Variants in RBFOX3 observed in about 807,000 individuals in gnomAD.
RBFOX3 encodes RNA binding protein fox-1 homolog 3.
RBFOX3 carries 17 observed loss-of-function variants against 48.7 expected under a neutral mutation model. The ratio of observed to expected loss-of-function variants is 0.35; its 90% confidence interval spans 0.24 to 0.52. The LOEUF is 0.52. Among genes scored for constraint, RBFOX3 ranks in the 20% least tolerant of loss-of-function variants. The pLI, the probability that RBFOX3 is intolerant of heterozygous loss-of-function variation, is 0.94. For synonymous variants in RBFOX3, 212 were observed against 209.5 expected (o/e 1.01, Z -0.10); for missense variants, 382 against 497.5 (o/e 0.77, Z 2.21).
At chr17:79,587,780 A>C (rs1471640910) in intron 1 of RBFOX3, among the ~76,000 whole-genome samples, 1 of 152,200 alleles carries the variant, frequency 6.6e-6, no homozygotes, top group Admixed American at 6.5e-5. Context: ...CTGTGGGAGA[A>C]TAGATGAAGG....
At chr17:79,592,419 T>G (rs2093448837) in intron 1 of RBFOX3, among the ~76,000 whole-genome samples, 1 of 151,546 alleles carries the variant, frequency 6.6e-6, no homozygotes, top group Non-Finnish European at 1.5e-5. Context: ...GGCACACGTG[T>G]GCATGTGTGG....
At chr17:79,417,964 C>A (rs1426508949) in intron 2 of RBFOX3, among the ~76,000 whole-genome samples, 1 of 152,184 alleles carries the variant, frequency 6.6e-6, no homozygotes, top group Non-Finnish European at 1.5e-5. Context: ...AAGCTGGTCA[C>A]AACAGGACAA....
intron 2 of RBFOX3, among the ~76,000 whole-genome samples, chr17:79,368,331 C>T (rs1269094528): frequency 6.6e-6 from 1 of 152,214 alleles, no homozygotes; most frequent in Non-Finnish European, 1.5e-5. Flanking sequence ...GGGGCTGTAG[C>T]CAGGCCACAC....
At chr17:79,561,141 T>C (rs2092187180) in intron 1 of RBFOX3, among the ~76,000 whole-genome samples, 1 of 152,160 alleles carries the variant, frequency 6.6e-6, no homozygotes, top group South Asian at 2.1e-4. Context: ...TCTTTAGAGA[T>C]TTGGAACAGA....
chr17:79,488,929 G>A (rs2080069098), intron 1 of RBFOX3, among the ~76,000 whole-genome samples: 1 of 152,162 alleles, frequency 6.6e-6, no homozygotes, highest in South Asian at 2.1e-4. Flanking sequence ...CATAGCATAG[G>A]GGACTCTGAG....
intron 4 of RBFOX3, among the ~76,000 whole-genome samples, chr17:79,154,192 G>A (rs1012587306): frequency 4.4e-5 from 6 of 137,026 alleles, no homozygotes; most frequent in African/African-American, 1.6e-4. Flanking sequence ...CTTCGAACAC[G>A]CTAAGCTCCA....
chr17:79,180,863 T>A (rs1443080274), intron 4 of RBFOX3, among the ~76,000 whole-genome samples: 1 of 152,094 alleles, frequency 6.6e-6, no homozygotes, highest in African/African-American at 2.4e-5. Flanking sequence ...CAGCAGGCTC[T>A]GGCTTTCCCA....
At chr17:79,549,419 T>C (rs998642784) in intron 1 of RBFOX3, among the ~76,000 whole-genome samples, 1 of 152,218 alleles carries the variant, frequency 6.6e-6, no homozygotes, top group African/African-American at 2.4e-5. Flanking sequence ...TGCAGCTCCA[T>C]AGTAATTAGA....
chr17:79,296,130 G>T (rs1355566175), intron 3 of RBFOX3, among the ~76,000 whole-genome samples: 1 of 152,128 alleles, frequency 6.6e-6, no homozygotes, highest in African/African-American at 2.4e-5. Flanking sequence ...TCATTTTGCA[G>T]GCTGCTGACA....
chr17:79,519,095 T>C (rs1437204719), intron 1 of RBFOX3, among the ~76,000 whole-genome samples: 1 of 152,148 alleles, frequency 6.6e-6, no homozygotes, highest in Non-Finnish European at 1.5e-5. Context: ...CCGAAACAGA[T>C]GCTCCGGAGG....
chr17:79,222,380 C>T (rs541776849), intron 4 of RBFOX3, among the ~76,000 whole-genome samples: 3 of 152,342 alleles, frequency 2.0e-5, no homozygotes, highest in South Asian at 4.1e-4. Flanking sequence ...TGGGCTGCGT[C>T]GCTGCTCTCC....
intron 4 of RBFOX3, among the ~76,000 whole-genome samples, chr17:79,132,509 C>A (rs1442172696): frequency 2.6e-5 from 4 of 152,200 alleles, no homozygotes; most frequent in Non-Finnish European, 4.4e-5. Flanking sequence ...CCCCTCGGAG[C>A]CAACAGGAAA....
At chr17:79,178,989 C>T (rs771827982) in intron 4 of RBFOX3, among the ~76,000 whole-genome samples, 3 of 152,162 alleles carry the variant, frequency 2.0e-5, no homozygotes, top group Admixed American at 6.5e-5. Context: ...TGGTGGGATA[C>T]TCTCTAGCCA....
At chr17:79,286,127 C>T (rs2071812495) in intron 3 of RBFOX3, among the ~76,000 whole-genome samples, 1 of 152,170 alleles carries the variant, frequency 6.6e-6, no homozygotes, top group African/African-American at 2.4e-5. Flanking sequence ...GAGTCTATTG[C>T]AAATAAATGT....
chr17:79,638,738 G>T, the RBFOX3 span, among the ~76,000 whole-genome samples: 1 of 152,146 alleles, frequency 6.6e-6, no homozygotes, highest in Non-Finnish European at 1.5e-5. Context: ...TCCTGTGAAA[G>T]CTGGTTGTTA....
chr17:79,403,634 C>T (rs1289167931), intron 2 of RBFOX3, among the ~76,000 whole-genome samples: 2 of 152,212 alleles, frequency 1.3e-5, no homozygotes, highest in Admixed American at 1.3e-4. Context: ...TCCCTGGTGG[C>T]TTTCCTGGCT....
At chr17:79,302,706 A>G (rs2075509329) in intron 3 of RBFOX3, among the ~76,000 whole-genome samples, 1 of 152,192 alleles carries the variant, frequency 6.6e-6, no homozygotes, top group Non-Finnish European at 1.5e-5. Flanking sequence ...TGAGTGAATG[A>G]ATGAATGATA....
rs920600055 is a variant in RBFOX3 at position 79,363,253 on chromosome 17, G to A, written c.-174-55429C>T. Among the ~76,000 whole-genome samples, 29 of 152,132 alleles carry A rather than the reference G, an allele frequency of 1.9e-4. No homozygotes were observed. Among genetic ancestry groups the A allele is most frequent in the African/African-American group, 6.0e-4 (25 of 41,414 alleles). ...TGCACAGAGAGGGGACATGGCTCAC[G>A]GGTGACAGTTAGGGTCAATGTGCAG... is the stretch of plus-strand genomic sequence containing the variant. On this transcript the variant is annotated intron_variant, in intron 2 of 14. Transcript: ENST00000693108. The surrounding 1 kb of genome is among the most constrained non-coding windows in gnomAD (Gnocchi z 4.7).
At chr17:79,454,577 G>A (rs1001120290) in intron 2 of RBFOX3, among the ~76,000 whole-genome samples, 2 of 152,260 alleles carry the variant, frequency 1.3e-5, no homozygotes, top group African/African-American at 4.8e-5. Context: ...CTCACTCTTG[G>A]ACCCAGTCAA....
Sources: gnomAD v4.1 joint callset for allele counts (sites outside exome capture counted in the v4.1 genomes callset) on GRCh38, gnomAD v4.1.1 for gene constraint, Gnocchi (gnomAD v3.1) non-coding constraint, MANE v1.5 for transcripts, NCBI Gene and HGNC (gene_info 2026-07-23, HGNC 2026-07-21) for gene names.